CMPK2: variants seen among roughly 807,000 people sequenced by gnomAD.
The protein encoded by CMPK2 is UMP-CMP kinase 2, mitochondrial.
A neutral mutation model predicts 33.4 loss-of-function variants in CMPK2; 32 were observed. The ratio of observed to expected loss-of-function variants is 0.96; its 90% CI spans 0.72 to 1.29. The LOEUF (loss-of-function observed/expected upper bound fraction) is 1.29. Ranked by LOEUF, CMPK2 falls within the 50% of genes most tolerant of loss-of-function variation. The probability of loss-of-function intolerance (pLI) is 0.00; values close to 1 mark genes in which losing one functional copy is unlikely to be tolerated. For missense variants in CMPK2, 672 were observed against 616.0 expected, an observed-to-expected ratio of 1.09 and a Z score of -0.96; for synonymous variants, 299 against 275.3, an observed-to-expected ratio of 1.09 and a Z score of -0.85.
In CMPK2 at chr2:6,864,793, C is replaced by T. The variant is rs181847593; in HGVS notation, c.675+229G>A. Reference sequence around the variant, plus strand: ...TGGGATGCTTTTACAGCAAGCATCGCGTGGCTTGGTGTAGGTCTATGTTCC... The same window carrying T: ...TGGGATGCTTTTACAGCAAGCATCGTGTGGCTTGGTGTAGGTCTATGTTCC... On this transcript the variant is annotated intron_variant, in intron 1 of 4. Transcript: ENST00000256722. 5.0e-4 allele frequency among the ~76,000 whole-genome samples: 76 copies of T among 152,304 alleles called. 1 individual carries two copies. Among genetic ancestry groups the T allele is most frequent in the Admixed American group, 4.8e-3 (73 of 15,294 alleles).
At chr2:6,851,171 A>C (rs1276556604) in intron 4 of CMPK2, 1 of 1,253,292 alleles carries the variant, frequency 8.0e-7, no homozygotes, top group Non-Finnish European at 1.0e-6. Context: ...AGGCACAGAG[A>C]CACTTACTGT....
chr2:6,848,793 T>C lies in CMPK2; in HGVS notation c.*1057A>G, dbSNP rs1662426913. ...CTCTATAATTTCCCCCTCACTCAGC[T>C]ACTTTTTTCTGTCTAAAGATATGTC... On this transcript the variant is annotated 3_prime_UTR_variant, in exon 5 of 5. Transcript: ENST00000256722. 1 of 985,704 alleles carries C rather than the reference T, an allele frequency of 1.0e-6. No individual in the cohort carries two copies. Among genetic ancestry groups the C allele is most frequent in the African/African-American group, 1.7e-5 (1 of 57,248 alleles). 61.1% of individuals were successfully genotyped at this position (985,704 alleles called of 1,614,324 possible). A position where few individuals can be genotyped will look rare whatever the true frequency, so the allele number is the denominator to read the frequency against.
Position 6,849,751 on chromosome 2 carries a change from T to A in CMPK2, c.*99A>T. The A allele has an allele frequency of 6.4e-7, 1 of 1,573,656 alleles. No homozygotes were observed. The highest frequency in any genetic ancestry group is 8.6e-7 in the Non-Finnish European group (1 of 1,165,952). On this transcript the variant is annotated 3_prime_UTR_variant, in exon 5 of 5. Coordinates refer to ENST00000256722, the MANE Select transcript of CMPK2 (RefSeq NM_207315.4). ...TCCAGTTTTCTGCCACACAACATGCTTGTAGAACAGAAATTTGGGAACACT... is the reference window on the plus strand; with the variant it reads ...TCCAGTTTTCTGCCACACAACATGCATGTAGAACAGAAATTTGGGAACACT...
intron 3 of CMPK2, among the ~76,000 whole-genome samples, chr2:6,841,844 A>C (rs1253328948): frequency 6.6e-6 from 1 of 152,194 alleles, no homozygotes; most frequent in Admixed American, 6.5e-5. Context: ...AACTGAGGAC[A>C]ACAATCTATT....
In CMPK2 at chr2:6,863,512, G is replaced by C. The variant is rs1432795776; in HGVS notation, c.742C>G (p.Gln248Glu). The change falls in exon 2 of 5, where the codon CAG (glutamine) becomes GAG (glutamate). Residue 248 changes from glutamine (Q) to glutamate (E), a missense_variant. Coordinates refer to ENST00000256722, the MANE Select transcript of CMPK2 (RefSeq NM_207315.4). ...DLVDQCPKQI[Q>E]KGKFQVVAIE... ...GCAACAACCTGGAACTTTCCTTTCT[G>C]GATCTGTTTTGGGCACTGGTCGACC... is the stretch of plus-strand genomic sequence containing the variant. 1.2e-6 allele frequency: 2 copies of C among 1,614,034 alleles called. No individual in the cohort carries two copies. The highest frequency in any genetic ancestry group is 1.3e-5 in the African/African-American group (1 of 74,906).
rs1028995052 is a variant in CMPK2, at chr2:6,848,410, AAAATGTTTAAAGT to A, written c.*1427_*1439del. On this transcript the variant is annotated 3_prime_UTR_variant, in exon 5 of 5. Transcript: ENST00000256722. ...TCTAGGCTGCCAGTATAAGCTTTTC[AAAATGTTTAAAGT>A]AAATAAAACCAATAATACAGCTAGA... 28 of 984,404 alleles carry A rather than the reference AAAATGTTTAAAGT, an allele frequency of 2.8e-5. No individual in the cohort carries two copies. In the African/African-American group the frequency reaches 4.9e-4, roughly 17 times the overall value. 61.0% of individuals were successfully genotyped at this position (984,404 alleles called of 1,614,324 possible).
Position 6,849,759 on chromosome 2 carries a change from C to T in CMPK2, c.*91G>A. The T allele has an allele frequency of 1.3e-6, 2 of 1,574,094 alleles. No homozygotes were observed. Among genetic ancestry groups the T allele is most frequent in the South Asian group, 1.2e-5 (1 of 83,816 alleles). On this transcript the variant is annotated 3_prime_UTR_variant, in exon 5 of 5. Transcript: ENST00000256722. Reference sequence around the variant, plus strand: ...TCTGCCACACAACATGCTTGTAGAACAGAAATTTGGGAACACTGCATAACA... The same window carrying T: ...TCTGCCACACAACATGCTTGTAGAATAGAAATTTGGGAACACTGCATAACA...
Position 6,861,297 on chromosome 2 carries a change from C to G in CMPK2, c.879G>C (p.Lys293Asn), listed in dbSNP as rs760761772. The G allele has an allele frequency of 1.2e-6, 2 of 1,614,114 alleles. No homozygotes were observed. Among genetic ancestry groups the G allele is most frequent in the South Asian group, 2.2e-5 (2 of 91,080 alleles). ...TGATAGTTGGTTCATCATCAAAGAT[C>G]TTCCTCCACTGGCCAATGCAAGAGG... ...SPPSCIGQWR[K>N]IFDDEPTIIR... is the part of the protein sequence containing the mutation. Residue 293 changes from lysine to asparagine, a missense_variant, in exon 3 of 5, where the codon AAG (lysine) becomes AAC (asparagine). Transcript: ENST00000256722.
intron 2 of CMPK2, 51 bp from the exon 3 acceptor site, chr2:6,861,436 A>G: frequency 7.1e-7 from 1 of 1,400,894 alleles, no homozygotes; most frequent in Non-Finnish European, 1.0e-6. Context: ...CCCAAAGTTA[A>G]CATTGACGTA....
upstream of CMPK2, chr2:6,866,000 C>T: frequency 1.5e-6 from 1 of 663,962 alleles, no homozygotes; most frequent in Non-Finnish European, 2.2e-6. Flanking sequence ...CAGGCGCCGG[C>T]TCCCGGGGCT....
At chr2:6,855,980 G>C (rs1294329671) in intron 3 of CMPK2, among the ~76,000 whole-genome samples, 11 of 152,176 alleles carry the variant, frequency 7.2e-5, no homozygotes, top group African/African-American at 2.7e-4. Context: ...AAAAACTAGA[G>C]GAGTCAAAAT....
rs745653227 is a variant in CMPK2 at position 6,863,458 on chromosome 2, T to A, written c.790+6A>T. The A allele has an allele frequency of 3.7e-6, 6 of 1,610,590 alleles. No individual in the cohort carries two copies. Among genetic ancestry groups the A allele is most frequent in the Non-Finnish European group, 3.4e-6 (4 of 1,177,098 alleles). On this transcript the variant is annotated splice_donor_region_variant and intron_variant, in intron 2 of 4. Coordinates refer to ENST00000256722, the MANE Select transcript of CMPK2 (RefSeq NM_207315.4). ...TGCCTATAACTAAAAGGTAATATTA[T>A]CTTACCCGTGGCATCCAGTCCTTCG... is the stretch of plus-strand genomic sequence containing the variant.
At position 6,849,541 on chromosome 2, in the gene CMPK2, A is replaced by G; in HGVS notation, c.*309T>C. The G allele has an allele frequency of 8.9e-7, 1 of 1,117,578 alleles. No homozygotes were observed. Among genetic ancestry groups the G allele is most frequent in the African/African-American group, 1.7e-5 (1 of 59,960 alleles). 69.2% of individuals were successfully genotyped at this position (1,117,578 alleles called of 1,614,324 possible). On this transcript the variant is annotated 3_prime_UTR_variant, in exon 5 of 5. Coordinates refer to ENST00000256722, the MANE Select transcript of CMPK2 (RefSeq NM_207315.4). ...CTGTACACCTGGTGCTGTCTGAGTA[A>G]GACAGGTCTTCCAGATATTTGGTAG...
intron 2 of CMPK2, chr2:6,862,058 GAGA>G (rs1181254677): frequency 6.6e-6 from 1 of 152,364 alleles, no homozygotes; most frequent in Non-Finnish European, 1.5e-5. Flanking sequence ...AGGTGGTGAT[GAGA>G]AGATCTACTC....
rs1662423989 is a variant in CMPK2 at position 6,848,694 on chromosome 2, A to C, written c.*1156T>G. Reference sequence around the variant, plus strand: ...TGGTAGATAGGATAAAATAATTTACAGATTTATCTGCCTTTGAACTGGAAG... The same window carrying C: ...TGGTAGATAGGATAAAATAATTTACCGATTTATCTGCCTTTGAACTGGAAG... On this transcript the variant is annotated 3_prime_UTR_variant, in exon 5 of 5. Transcript: ENST00000256722. 2.0e-6 allele frequency: 2 copies of C among 985,040 alleles called. No individual in the cohort carries two copies. Among genetic ancestry groups the C allele is most frequent in the Non-Finnish European group, 2.4e-6 (2 of 829,268 alleles). 61.0% of individuals were successfully genotyped at this position (985,040 alleles called of 1,614,324 possible).
At chr2:6,857,465 C>G (rs1662744589) in intron 3 of CMPK2, among the ~76,000 whole-genome samples, 1 of 151,140 alleles carries the variant, frequency 6.6e-6, no homozygotes, top group Admixed American at 6.6e-5. Context: ...CAAGTGGGTG[C>G]CACCATACCC....
chr2:6,858,137 T>C (rs146272275), intron 3 of CMPK2, among the ~76,000 whole-genome samples: 5 of 152,264 alleles, frequency 3.3e-5, no homozygotes, highest in African/African-American at 1.2e-4. Flanking sequence ...TTAGCTTATT[T>C]CAGTCTTAGC....
rs1473843093 is a variant in CMPK2 at position 6,865,444 on chromosome 2, A to G, written c.253T>C (p.Cys85Arg). 1.6e-6 allele frequency: 2 copies of G among 1,281,298 alleles called. No individual in the cohort carries two copies. The highest frequency in any genetic ancestry group is 2.0e-6 in the Non-Finnish European group (2 of 1,019,262). The allele number at this position is 1,281,298 out of a possible 1,614,324, so 79.4% of individuals were successfully genotyped here. The change falls in exon 1 of 5, where the codon TGC (cysteine) becomes CGC (arginine). Residue 85 changes from cysteine to arginine, a missense_variant. Transcript: ENST00000256722. ...CGCGCCGCCCGGACCCGGGCCCCGCAGCCGGCGTCCGGGGTCACGGGCACG... is the reference window on the plus strand; with the variant it reads ...CGCGCCGCCCGGACCCGGGCCCCGCGGCCGGCGTCCGGGGTCACGGGCACG... ...LCVPVTPDAGCGARVRAARLH... is the reference protein window; with the variant it reads ...LCVPVTPDAGRGARVRAARLH...
At chr2:6,845,331 T>C (rs1330205215), downstream of CMPK2, among the ~76,000 whole-genome samples, 2 of 152,158 alleles carry the variant, frequency 1.3e-5, no homozygotes, top group Admixed American at 1.3e-4. Context: ...CAGAATGCAC[T>C]CGAGGAGATT....
Sources: allele counts gnomAD v4.1 joint callset (sites outside exome capture counted in the v4.1 genomes callset), GRCh38; gene constraint gnomAD v4.1.1; transcripts MANE v1.5; gene names NCBI Gene and HGNC (gene_info 2026-07-23, HGNC 2026-07-21).